EBF2: variants seen among roughly 807,000 people sequenced by gnomAD.
EBF2 encodes EBF transcription factor 2, also known as transcription factor COE2.
A neutral mutation model predicts 72.8 loss-of-function variants in EBF2; 21 were observed. The ratio of observed to expected loss-of-function variants is 0.29; its 90% CI spans 0.20 to 0.42. EBF2 has a LOEUF of 0.42. Ranked by LOEUF, EBF2 falls within the 10% of genes least tolerant of loss-of-function variation. The pLI is 1.00. For synonymous variants in EBF2, 299 were observed against 274.2 expected, an observed-to-expected ratio of 1.09 and a Z score of -0.89; for missense variants, 637 against 731.2, an observed-to-expected ratio of 0.87 and a Z score of 1.49.
chr8:25,964,226 GGTGA>G (rs1804079795), intron 6 of EBF2, among the ~76,000 whole-genome samples: 2 of 150,236 alleles, frequency 1.3e-5, no homozygotes, highest in African/African-American at 5.1e-5. Context: ...CGAGAGCTTC[GGTGA>G]GTGTCTGCAA....
chr8:26,002,896 AGGCGGGCAGGCG>A (rs1804761218), intron 6 of EBF2, among the ~76,000 whole-genome samples: 31 of 14,918 alleles, frequency 2.1e-3, no homozygotes, highest in Admixed American at 8.6e-3. Context: ...GCGGGCAGGC[AGGCGGGCAGGCG>A]GGCAGGCGGG....
chr8:26,014,057 G>A (rs1374289782), intron 6 of EBF2, among the ~76,000 whole-genome samples: 1 of 152,030 alleles, frequency 6.6e-6, no homozygotes, highest in Non-Finnish European at 1.5e-5. Flanking sequence ...TTTTGTATTA[G>A]GTGAAATGAA....
chr8:25,912,371 G>A lies in EBF2; in HGVS notation c.552-3816C>T, dbSNP rs577946420. Among the ~76,000 whole-genome samples the A allele has an allele frequency of 4.6e-5, 7 of 151,376 alleles. No individual in the cohort carries two copies. In the East Asian group the frequency reaches 5.9e-4, roughly 13 times the overall value. Reference sequence around the variant, plus strand: ...CTGGGTGAATATACTAGAAACCATCGCATTATACACTTTGAATGGGTTTCC... The same window carrying A: ...CTGGGTGAATATACTAGAAACCATCACATTATACACTTTGAATGGGTTTCC... On this transcript the variant is annotated intron_variant, in intron 6 of 15. Coordinates refer to ENST00000520164, the MANE Select transcript of EBF2 (RefSeq NM_022659.4).
intron 7 of EBF2, among the ~76,000 whole-genome samples, chr8:25,901,149 G>T (rs879618148): frequency 2.0e-5 from 3 of 152,104 alleles, no homozygotes; most frequent in African/African-American, 4.8e-5. Context: ...TGGGTGTGGT[G>T]GTTCACATTT....
chr8:26,023,008 G>A (rs1207937533), intron 6 of EBF2, among the ~76,000 whole-genome samples: 1 of 152,158 alleles, frequency 6.6e-6, no homozygotes, highest in Non-Finnish European at 1.5e-5. Flanking sequence ...TCCCTAGTGG[G>A]TAGAATCCTA....
chr8:25,853,458 A>G (rs904214753), intron 14 of EBF2, among the ~76,000 whole-genome samples: 1 of 151,912 alleles, frequency 6.6e-6, no homozygotes, highest in African/African-American at 2.4e-5. Context: ...TAAAATGCTA[A>G]TTAAAACGGT....
At chr8:25,960,350 A>C (rs1157983799) in intron 6 of EBF2, among the ~76,000 whole-genome samples, 2 of 152,252 alleles carry the variant, frequency 1.3e-5, no homozygotes, top group Admixed American at 1.3e-4. Flanking sequence ...AGAGCTCAGC[A>C]CAGAGCCCCT....
intron 6 of EBF2, among the ~76,000 whole-genome samples, chr8:25,910,862 C>A (rs191740114): frequency 1.7e-4 from 26 of 152,266 alleles, no homozygotes; most frequent in Admixed American, 1.7e-3. Flanking sequence ...AGAAAGTTCT[C>A]TTGCATTACA....
rs1453054585 is a variant in EBF2 at position 25,857,412 on chromosome 8, C to T, written c.1528+907G>A. Among the ~76,000 whole-genome samples, 3 of 152,272 alleles carry T rather than the reference C, an allele frequency of 2.0e-5. No homozygotes were observed. The South Asian group carries it at 6.2e-4, about 32-fold the overall frequency. ...GGACGTGGCTGCATGCTGCCCTTGA[C>T]ATGTCCTTGCTCTTGGCACAAGGGA... On this transcript the variant is annotated intron_variant, in intron 14 of 15. Transcript: ENST00000520164.
intron 6 of EBF2, among the ~76,000 whole-genome samples, chr8:25,917,269 A>C (rs555315548): frequency 6.6e-6 from 1 of 150,622 alleles, no homozygotes; most frequent in South Asian, 2.1e-4. Context: ...ATTCCTCGAC[A>C]CCATGAGGCT....
At chr8:25,906,788 AAAC>A in intron 7 of EBF2, among the ~76,000 whole-genome samples, 1 of 152,050 alleles carries the variant, frequency 6.6e-6, no homozygotes, top group South Asian at 2.1e-4. Context: ...ACAAACAAAC[AAAC>A]AAACAAAAAA....
chr8:25,882,549 C>A lies in EBF2; in HGVS notation c.1009+4206G>T, dbSNP rs544227575. On this transcript the variant is annotated intron_variant, in intron 10 of 15. Transcript: ENST00000520164. ...CGTGGAAATCAGTAAATGGTATAAA[C>A]CCATGATTTAAAAAAGAAAATCTGC... Among the ~76,000 whole-genome samples the A allele has an allele frequency of 5.9e-5, 9 of 152,198 alleles. No individual in the cohort carries two copies. In the South Asian group the frequency reaches 1.7e-3, roughly 28 times the overall value.
At chr8:26,009,678 G>C (rs1048143801) in intron 6 of EBF2, among the ~76,000 whole-genome samples, 1 of 152,142 alleles carries the variant, frequency 6.6e-6, no homozygotes, top group Admixed American at 6.5e-5. Context: ...ACATTATAGC[G>C]ATCGCATGCC....
chr8:25,975,114 GA>G (rs1317632940), intron 6 of EBF2, among the ~76,000 whole-genome samples: 2 of 152,096 alleles, frequency 1.3e-5, no homozygotes, highest in Non-Finnish European at 2.9e-5. Flanking sequence ...ACCCAAGTCA[GA>G]AAAAATAAAA....
At chr8:25,978,907 CG>C (rs1035681074) in intron 6 of EBF2, among the ~76,000 whole-genome samples, 1 of 152,064 alleles carries the variant, frequency 6.6e-6, no homozygotes, top group Admixed American at 6.6e-5. Context: ...TGACGCTGGG[CG>C]GGGGGCGGAG....
intron 6 of EBF2, among the ~76,000 whole-genome samples, chr8:25,933,148 C>T (rs1803512964): frequency 6.6e-6 from 1 of 152,094 alleles, no homozygotes; most frequent in Non-Finnish European, 1.5e-5. Context: ...TAGAACTGGG[C>T]CTGGATTCTA....
intron 6 of EBF2, among the ~76,000 whole-genome samples, chr8:25,988,411 C>T (rs901234774): frequency 2.0e-5 from 3 of 152,182 alleles, no homozygotes; most frequent in Non-Finnish European, 4.4e-5. Flanking sequence ...TCCATATACG[C>T]AAATATGAAT....
intron 7 of EBF2, among the ~76,000 whole-genome samples, chr8:25,906,767 AAAACAAAC>A (rs71551830): frequency 5.3e-5 from 8 of 149,864 alleles, no homozygotes; most frequent in Non-Finnish European, 8.9e-5. Context: ...ACTCCATCTC[AAAACAAAC>A]AAACAAACAA....
chr8:25,890,029 G>C (rs1361691316), intron 7 of EBF2, among the ~76,000 whole-genome samples, 160 bp from the exon 8 acceptor site: 1 of 152,196 alleles, frequency 6.6e-6, no homozygotes, highest in Non-Finnish European at 1.5e-5. Flanking sequence ...CTGTAATTAT[G>C]TCAAAACTTT....
Sources: gnomAD v4.1 joint callset for allele counts (sites outside exome capture counted in the v4.1 genomes callset) on GRCh38, gnomAD v4.1.1 for gene constraint, MANE v1.5 for transcripts, NCBI Gene and HGNC (gene_info 2026-07-23, HGNC 2026-07-21) for gene names.